ULK4: variants seen among roughly 807,000 people sequenced by gnomAD.
ULK4 encodes unc-51 like kinase 4.
ULK4 carries 133 observed loss-of-function variants against 160.6 expected under a neutral mutation model. That is an observed-to-expected ratio of 0.83 (90% confidence interval 0.72 to 0.96). The LOEUF is 0.96. Among genes scored for constraint, ULK4 ranks in the 40% least tolerant of loss-of-function variants. The pLI, the probability that ULK4 is intolerant of heterozygous loss-of-function variation, is 0.00. For synonymous variants in ULK4, 534 were observed against 539.8 expected, an observed-to-expected ratio of 0.99 and a Z score of 0.15; for missense variants, 1,580 against 1,499.5, an observed-to-expected ratio of 1.05 and a Z score of -0.89.
intron 35 of ULK4, among the ~76,000 whole-genome samples, chr3:41,326,137 G>C (rs1045373461): frequency 4.0e-5 from 6 of 150,904 alleles, no homozygotes; most frequent in Admixed American, 6.6e-5. Context: ...AGCATGGGCA[G>C]GGGGGGGCTC....
chr3:41,631,454 A>C (rs535723249), intron 30 of ULK4, among the ~76,000 whole-genome samples: 24 of 152,332 alleles, frequency 1.6e-4, no homozygotes, highest in African/African-American at 5.5e-4. Context: ...AAGTTAGAAT[A>C]TGCAGCTATA....
chr3:41,725,147 T>C (rs964794224), intron 22 of ULK4, among the ~76,000 whole-genome samples: 7 of 152,340 alleles, frequency 4.6e-5, no homozygotes, highest in African/African-American at 1.7e-4. Context: ...TGACAATGCT[T>C]TTGTGTTCTG....
At chr3:41,497,111 G>A (rs2085021240) in intron 32 of ULK4, among the ~76,000 whole-genome samples, 1 of 151,010 alleles carries the variant, frequency 6.6e-6, no homozygotes, top group Non-Finnish European at 1.5e-5. Flanking sequence ...ATGATAATAT[G>A]TTGAAAGACA....
intron 32 of ULK4, among the ~76,000 whole-genome samples, chr3:41,474,900 T>C (rs921359955): frequency 2.4e-4 from 36 of 150,954 alleles, no homozygotes; most frequent in African/African-American, 8.3e-4. Context: ...GAAATGTAAA[T>C]TAGTATGACT....
At chr3:41,409,263 T>A (rs758168969) in intron 34 of ULK4, among the ~76,000 whole-genome samples, 44 of 151,832 alleles carry the variant, frequency 2.9e-4, no homozygotes, top group Non-Finnish European at 5.9e-4. Flanking sequence ...CTCAAAAAAA[T>A]ACATAAATAA....
chr3:41,663,441 A>C (rs1156786311), intron 30 of ULK4, among the ~76,000 whole-genome samples, 166 bp downstream of exon 30: 1 of 152,222 alleles, frequency 6.6e-6, no homozygotes, highest in Non-Finnish European at 1.5e-5. Context: ...CGAGAGTCAA[A>C]ACAGCATAAA....
chr3:41,377,531 AAAAC>A (rs1483756299), intron 35 of ULK4, among the ~76,000 whole-genome samples: 1 of 148,188 alleles, frequency 6.7e-6, no homozygotes, highest in African/African-American at 2.6e-5. Flanking sequence ...TTACAAGAAA[AAAAC>A]AAACAACCCC....
At chr3:41,526,928 A>G (rs1348790261) in intron 32 of ULK4, among the ~76,000 whole-genome samples, 1 of 152,224 alleles carries the variant, frequency 6.6e-6, no homozygotes, top group African/African-American at 2.4e-5. Context: ...ACATTTGAGA[A>G]AGTCTAAAAA....
At chr3:41,871,028 C>T (rs114530504) in intron 17 of ULK4, among the ~76,000 whole-genome samples, 364 of 152,276 alleles carry the variant, frequency 2.4e-3, no homozygotes, top group African/African-American at 7.8e-3. Context: ...ATTCTCTCCT[C>T]CCGCCATGTA....
intron 19 of ULK4, 105 bp downstream of exon 19, chr3:41,819,318 C>T: frequency 9.7e-7 from 1 of 1,034,550 alleles, no homozygotes; most frequent in Non-Finnish European, 1.4e-6. Flanking sequence ...AGGAGCAATA[C>T]TTGGTTGACA....
intron 32 of ULK4, among the ~76,000 whole-genome samples, chr3:41,527,076 G>A (rs2086144772): frequency 6.6e-6 from 1 of 152,124 alleles, no homozygotes; most frequent in Admixed American, 6.5e-5. Context: ...TAACTCTTAT[G>A]AACTTTGTAA....
At chr3:41,301,113 G>T (rs2079786561) in intron 35 of ULK4, among the ~76,000 whole-genome samples, 1 of 151,560 alleles carries the variant, frequency 6.6e-6, no homozygotes. Context: ...AAATGAAAAG[G>T]CGTGATTTCT....
intron 31 of ULK4, among the ~76,000 whole-genome samples, chr3:41,591,096 G>A (rs1403820251): frequency 1.3e-5 from 2 of 151,478 alleles, no homozygotes; most frequent in Non-Finnish European, 2.9e-5. Flanking sequence ...ATCTTAAAAG[G>A]GGAAAAAAAA....
intron 35 of ULK4, among the ~76,000 whole-genome samples, chr3:41,286,245 T>A (rs1243846831): frequency 1.3e-5 from 2 of 152,196 alleles, no homozygotes; most frequent in African/African-American, 4.8e-5. Context: ...TTCTTGAATC[T>A]TTGTAATCAC....
intron 30 of ULK4, among the ~76,000 whole-genome samples, chr3:41,633,403 G>A (rs1032640386): frequency 1.4e-4 from 21 of 152,218 alleles, no homozygotes; most frequent in African/African-American, 5.1e-4. Context: ...TTTACATACT[G>A]TCTGCGTTTG....
At chr3:41,689,598 AAAAC>A (rs2036214563) in intron 27 of ULK4, among the ~76,000 whole-genome samples, 2 of 152,214 alleles carry the variant, frequency 1.3e-5, no homozygotes, top group Non-Finnish European at 2.9e-5. Context: ...TTACAAGAAA[AAAAC>A]AAACAACCCC....
intron 32 of ULK4, among the ~76,000 whole-genome samples, chr3:41,534,691 C>T (rs1425480703): frequency 6.6e-6 from 1 of 152,020 alleles, no homozygotes; most frequent in African/African-American, 2.4e-5. Context: ...TCTAAGATGC[C>T]ACTGATCATA....
intron 30 of ULK4, among the ~76,000 whole-genome samples, chr3:41,629,404 T>C (rs1469804551): frequency 6.6e-6 from 1 of 152,174 alleles, no homozygotes; most frequent in Non-Finnish European, 1.5e-5. Flanking sequence ...CTCTGCATGA[T>C]AGCTGGGTGC....
chr3:41,694,277 C>T (rs939746658), intron 27 of ULK4, among the ~76,000 whole-genome samples: 6 of 152,146 alleles, frequency 3.9e-5, no homozygotes, highest in Admixed American at 6.5e-5. Flanking sequence ...TATGTAAGTA[C>T]GTATAGCCGT....
Sources: allele counts gnomAD v4.1 joint callset (sites outside exome capture counted in the v4.1 genomes callset), GRCh38; gene constraint gnomAD v4.1.1; transcripts MANE v1.5; gene names NCBI Gene and HGNC (gene_info 2026-07-23, HGNC 2026-07-21).